ZNF704: variants seen among roughly 807,000 people sequenced by gnomAD.
ZNF704 encodes glucocorticoid induced gene 1.
A neutral mutation model predicts 44.7 loss-of-function variants in ZNF704; 10 were observed. The observed-to-expected ratio is 0.22, with a 90% CI of 0.14 to 0.38. The LOEUF (loss-of-function observed/expected upper bound fraction) is 0.38. ZNF704 is among the 10% of genes least tolerant of loss of function. The pLI, the probability that ZNF704 is intolerant of heterozygous loss-of-function variation, is 1.00. For missense variants in ZNF704, 390 were observed against 545.5 expected, an observed-to-expected ratio of 0.71 and a Z score of 2.84; for synonymous variants, 211 against 207.6, an observed-to-expected ratio of 1.02 and a Z score of -0.14.
intron 1 of ZNF704, among the ~76,000 whole-genome samples, chr8:80,849,696 A>T (rs1808825566): frequency 6.6e-6 from 1 of 152,232 alleles, no homozygotes; most frequent in South Asian, 2.1e-4. Flanking sequence ...GTAAGAAAGA[A>T]TATCATTTGG....
chr8:80,769,820 T>C (rs1807288667), intron 2 of ZNF704, among the ~76,000 whole-genome samples: 1 of 152,188 alleles, frequency 6.6e-6, no homozygotes, highest in Non-Finnish European at 1.5e-5. Context: ...TTTTCAGGTA[T>C]CTTTTCAGCA....
intron 2 of ZNF704, among the ~76,000 whole-genome samples, chr8:80,696,510 C>T (rs1475329989): frequency 2.0e-5 from 3 of 152,124 alleles, no homozygotes; most frequent in Non-Finnish European, 2.9e-5. Context: ...CTCCACCTCC[C>T]GGGTTCAAGC....
intron 6 of ZNF704, among the ~76,000 whole-genome samples, chr8:80,664,415 G>A (rs987920306): frequency 2.0e-5 from 3 of 152,012 alleles, no homozygotes; most frequent in African/African-American, 7.2e-5. Flanking sequence ...GGGATTACAG[G>A]CATGTGCCAC....
At chr8:80,782,310 C>T (rs34754555) in intron 2 of ZNF704, among the ~76,000 whole-genome samples, 1 of 152,092 alleles carries the variant, frequency 6.6e-6, no homozygotes, top group Non-Finnish European at 1.5e-5. Context: ...ATGTAATTGT[C>T]TGCATTTACA....
chr8:80,854,665 C>T (rs1324209813), intron 1 of ZNF704, among the ~76,000 whole-genome samples: 2 of 152,174 alleles, frequency 1.3e-5, no homozygotes, highest in East Asian at 3.9e-4. Flanking sequence ...CTTAGAACAA[C>T]AGAAACAAAA....
chr8:80,840,224 T>C (rs1808653758), intron 1 of ZNF704, among the ~76,000 whole-genome samples: 1 of 152,208 alleles, frequency 6.6e-6, no homozygotes, highest in African/African-American at 2.4e-5. Context: ...GTCCAACCCA[T>C]GGCCTGCGGG....
intron 2 of ZNF704, among the ~76,000 whole-genome samples, chr8:80,708,765 T>C (rs913763730): frequency 1.1e-4 from 16 of 152,218 alleles, no homozygotes; most frequent in Non-Finnish European, 1.9e-4. Flanking sequence ...TACACTATTA[T>C]GAAGTTCTAA....
intron 1 of ZNF704, among the ~76,000 whole-genome samples, chr8:80,854,968 T>C (rs543779847): frequency 1.3e-3 from 200 of 152,340 alleles, no homozygotes; most frequent in Non-Finnish European, 2.4e-3. Context: ...AAGCACATCA[T>C]GTAGAATGGG....
At chr8:80,704,260 G>T (rs1407326878) in intron 2 of ZNF704, among the ~76,000 whole-genome samples, 2 of 152,212 alleles carry the variant, frequency 1.3e-5, no homozygotes, top group African/African-American at 4.8e-5. Flanking sequence ...TTCCTTGATG[G>T]CCTTTTTGCT....
intron 2 of ZNF704, among the ~76,000 whole-genome samples, chr8:80,775,475 T>G (rs1025401688): frequency 6.6e-6 from 1 of 152,172 alleles, no homozygotes; most frequent in Admixed American, 6.5e-5. Context: ...AAAGGTAAAA[T>G]AAATGATAAA....
At chr8:80,760,672 A>G (rs537792884) in intron 2 of ZNF704, among the ~76,000 whole-genome samples, 1 of 151,494 alleles carries the variant, frequency 6.6e-6, no homozygotes, top group African/African-American at 2.4e-5. Flanking sequence ...AAAAAAAAAA[A>G]AACCAAAAAA....
At position 80,858,039 on chromosome 8, in the gene ZNF704, G is replaced by A. The variant is rs117246318; in HGVS notation, c.-22+16532C>T. 6.3e-3 allele frequency among the ~76,000 whole-genome samples: 955 copies of A among 151,972 alleles called. 30 individuals carry two copies. In the East Asian group the frequency reaches 0.064, roughly 10 times the overall value. ...TTCATCCAAGTTTTCAAATTTACAG[G>A]CAAAAATCCTTTAGTCACAGAAAAG... On this transcript the variant is annotated intron_variant, in intron 1 of 8. Transcript: ENST00000327835.
At position 80,664,909 on chromosome 8, in the gene ZNF704, G is replaced by C; in HGVS notation, c.833C>G (p.Thr278Ser). Reference sequence around the variant, plus strand: ...CTTAGTCTCCGTTTTGGCACAAGGAGTTTCTGTTCGGCTTGAATCTGGGAT... The same window carrying C: ...CTTAGTCTCCGTTTTGGCACAAGGACTTTCTGTTCGGCTTGAATCTGGGAT... ...FPIPDSSRTETPCAKTETKLM... is the reference protein window; with the variant it reads ...FPIPDSSRTESPCAKTETKLM... Residue 278 changes from threonine (T) to serine (S), a missense_variant, in exon 6 of 9, where the codon ACT becomes AGT. Physicochemically the swap from Thr to Ser is moderately conservative, Grantham distance 58. Coordinates refer to ENST00000327835, the MANE Select transcript of ZNF704 (RefSeq NM_001033723.3). The C allele has an allele frequency of 6.2e-7, 1 of 1,614,198 alleles. No homozygotes were observed. Among genetic ancestry groups the C allele is most frequent in the Non-Finnish European group, 8.5e-7 (1 of 1,180,042 alleles).
chr8:80,656,799 T>C (rs1288228990), intron 7 of ZNF704, among the ~76,000 whole-genome samples: 2 of 152,206 alleles, frequency 1.3e-5, no homozygotes, highest in African/African-American at 4.8e-5. Context: ...AAGTGAACTC[T>C]AAACAGGGTT....
chr8:80,799,360 A>G (rs747371648), intron 2 of ZNF704, among the ~76,000 whole-genome samples: 2 of 152,158 alleles, frequency 1.3e-5, no homozygotes, highest in African/African-American at 2.4e-5. Context: ...TTAGACCTGA[A>G]CTCTGAAGTA....
chr8:80,727,691 A>T (rs1036091592), intron 2 of ZNF704, among the ~76,000 whole-genome samples: 1 of 152,094 alleles, frequency 6.6e-6, no homozygotes, highest in African/African-American at 2.4e-5. Context: ...CCCCGCCCCG[A>T]TGAGCTCATC....
chr8:80,856,895 G>A (rs1037836838), intron 1 of ZNF704, among the ~76,000 whole-genome samples: 1 of 152,088 alleles, frequency 6.6e-6, no homozygotes, highest in African/African-American at 2.4e-5. Context: ...TAAAAATCTT[G>A]CTGAGATTTT....
rs780264820 is a variant in ZNF704, at chr8:80,709,442, C to CAAA, written c.222-16338_222-16336dup. On this transcript the variant is annotated intron_variant, in intron 2 of 8. Coordinates refer to ENST00000327835, the MANE Select transcript of ZNF704 (RefSeq NM_001033723.3). ...TTGGCAACAGTGCGAGACTCCATCTCAAAAAAAAAAAAAAAAAAAAAAAAA... is the reference window on the plus strand; with the variant it reads ...TTGGCAACAGTGCGAGACTCCATCTCAAAAAAAAAAAAAAAAAAAAAAAAAAAA... 3.3e-3 allele frequency among the ~76,000 whole-genome samples: 52 copies of CAAA among 15,862 alleles called. 5 individuals carry two copies. Among genetic ancestry groups the CAAA allele is most frequent in the Non-Finnish European group, 4.9e-3 (37 of 7,558 alleles). The allele number at this position is 15,862 out of a possible 152,430, so 10.4% of individuals were successfully genotyped here.
chr8:80,688,086 T>C (rs1818571853), intron 3 of ZNF704, among the ~76,000 whole-genome samples: 1 of 152,076 alleles, frequency 6.6e-6, no homozygotes, highest in Non-Finnish European at 1.5e-5. Flanking sequence ...CATGCACCTA[T>C]AGTCCCAGCT....
Sources: gnomAD v4.1 joint callset for allele counts (sites outside exome capture counted in the v4.1 genomes callset) on GRCh38, gnomAD v4.1.1 for gene constraint, MANE v1.5 for transcripts, NCBI Gene and HGNC (gene_info 2026-07-23, HGNC 2026-07-21) for gene names.